Variants in GULP1 observed in about 807,000 individuals in gnomAD.
GULP1 encodes PTB domain-containing engulfment adapter protein 1.
In GULP1, 19 loss-of-function variants were observed where a neutral mutation model predicts 40.9. The ratio of observed to expected loss-of-function variants is 0.46; its 90% CI spans 0.32 to 0.68. The LOEUF is 0.68. GULP1 is among the 30% of genes least tolerant of loss of function. GULP1 has a pLI of 0.03. For missense variants in GULP1, 312 were observed against 362.2 expected (o/e 0.86, Z 1.12); for synonymous variants, 119 against 117.6 (o/e 1.01, Z -0.08).
At chr2:188,461,832 T>C (rs1036054320) in intron 2 of GULP1, among the ~76,000 whole-genome samples, 13 of 152,192 alleles carry the variant, frequency 8.5e-5, no homozygotes, top group Non-Finnish European at 1.9e-4. Flanking sequence ...TCTCTGTTTT[T>C]TCTTAGTCTG....
intron 1 of GULP1, among the ~76,000 whole-genome samples, chr2:188,336,815 G>T (rs2042313656): frequency 6.6e-6 from 1 of 152,150 alleles, no homozygotes; most frequent in Non-Finnish European, 1.5e-5. Flanking sequence ...GTAGCTGGTG[G>T]GAAAAGTGGC....
intron 1 of GULP1, among the ~76,000 whole-genome samples, chr2:188,314,571 A>AT (rs1323717375): frequency 6.6e-6 from 1 of 152,092 alleles, no homozygotes; most frequent in Non-Finnish European, 1.5e-5. Flanking sequence ...ACCGACTACA[A>AT]TTTTTTAATA....
intron 1 of GULP1, among the ~76,000 whole-genome samples, chr2:188,302,447 T>G (rs2036294792): frequency 6.6e-6 from 1 of 152,196 alleles, no homozygotes; most frequent in African/African-American, 2.4e-5. Flanking sequence ...TAAAGAAATA[T>G]TGAAGCAATT....
chr2:188,581,270 G>T (rs529185608), intron 9 of GULP1, among the ~76,000 whole-genome samples: 71 of 151,960 alleles, frequency 4.7e-4, no homozygotes, highest in African/African-American at 1.4e-3. Flanking sequence ...CCCTCCTACC[G>T]TCTCTTGTCC....
intron 1 of GULP1, chr2:188,294,282 A>G (rs941136273): frequency 6.6e-6 from 1 of 152,198 alleles, no homozygotes; most frequent in East Asian, 1.9e-4. Context: ...CTCAGCTAGC[A>G]TGGATTTGGG....
At chr2:188,484,382 G>C (rs1440713686) in intron 4 of GULP1, among the ~76,000 whole-genome samples, 3 of 152,100 alleles carry the variant, frequency 2.0e-5, no homozygotes, top group Admixed American at 6.6e-5. Context: ...TTAAAGAAAG[G>C]TGCTATTTTG....
At chr2:188,501,377 C>A (rs1474548052) in intron 4 of GULP1, among the ~76,000 whole-genome samples, 1 of 151,952 alleles carries the variant, frequency 6.6e-6, no homozygotes, top group Non-Finnish European at 1.5e-5. Context: ...TTGTAAGTAT[C>A]CTGAGGCCTT....
At chr2:188,510,163 A>G (rs1032593972) in intron 4 of GULP1, among the ~76,000 whole-genome samples, 1 of 152,114 alleles carries the variant, frequency 6.6e-6, no homozygotes, top group African/African-American at 2.4e-5. Context: ...GGTTTCTGCA[A>G]ATAAATATAT....
At chr2:188,490,542 A>G (rs1447601876) in intron 4 of GULP1, among the ~76,000 whole-genome samples, 2 of 152,118 alleles carry the variant, frequency 1.3e-5, no homozygotes, top group Admixed American at 1.3e-4. Flanking sequence ...TAGACTAAGT[A>G]AAGTCTATGT....
chr2:188,501,126 T>C (rs1559314818), intron 4 of GULP1, among the ~76,000 whole-genome samples: 2 of 151,998 alleles, frequency 1.3e-5, no homozygotes, highest in Admixed American at 6.6e-5. Flanking sequence ...TACAAACTTA[T>C]ATGTTTTGGC....
At chr2:188,380,552 A>G (rs2048885352) in intron 1 of GULP1, among the ~76,000 whole-genome samples, 1 of 152,218 alleles carries the variant, frequency 6.6e-6, no homozygotes, top group Non-Finnish European at 1.5e-5. Flanking sequence ...AGGACAAACA[A>G]GAAAAAAATA....
At chr2:188,395,329 T>C (rs191475856) in intron 2 of GULP1, among the ~76,000 whole-genome samples, 2 of 152,218 alleles carry the variant, frequency 1.3e-5, no homozygotes, top group Non-Finnish European at 2.9e-5. Flanking sequence ...CTAACACTTG[T>C]GCAAGCACGA....
chr2:188,484,807 T>G (rs1269514098), intron 4 of GULP1, among the ~76,000 whole-genome samples: 1 of 152,144 alleles, frequency 6.6e-6, no homozygotes, highest in African/African-American at 2.4e-5. Flanking sequence ...CATCTCTTAT[T>G]TTTTTCTTGC....
chr2:188,538,040 G>A (rs1689405884), intron 6 of GULP1, among the ~76,000 whole-genome samples: 1 of 151,928 alleles, frequency 6.6e-6, no homozygotes, highest in Non-Finnish European at 1.5e-5. Flanking sequence ...TACCACCTTT[G>A]TTGTTTCTCA....
chr2:188,508,379 A>T (rs993047644), intron 4 of GULP1, among the ~76,000 whole-genome samples: 4 of 152,116 alleles, frequency 2.6e-5, no homozygotes, highest in African/African-American at 9.7e-5. Flanking sequence ...TTGTAACAAA[A>T]GCATGATTTG....
intron 1 of GULP1, among the ~76,000 whole-genome samples, chr2:188,317,261 G>C (rs1365914895): frequency 6.6e-6 from 1 of 152,114 alleles, no homozygotes; most frequent in East Asian, 1.9e-4. Context: ...ACAGATGTAG[G>C]TGAGGACTTT....
intron 1 of GULP1, among the ~76,000 whole-genome samples, chr2:188,311,615 T>A (rs1003831239): frequency 2.0e-5 from 3 of 151,932 alleles, no homozygotes; most frequent in African/African-American, 7.2e-5. Context: ...AGTAGATGTA[T>A]CCAATTTTAA....
At chr2:188,356,684 C>A (rs2045363981) in intron 1 of GULP1, among the ~76,000 whole-genome samples, 1 of 152,010 alleles carries the variant, frequency 6.6e-6, no homozygotes, top group African/African-American at 2.4e-5. Context: ...ATAGAAAAAA[C>A]AATTCTAAAA....
intron 1 of GULP1, among the ~76,000 whole-genome samples, chr2:188,298,804 A>G (rs907763591): frequency 6.6e-6 from 1 of 152,222 alleles, no homozygotes; most frequent in African/African-American, 2.4e-5. Context: ...ATGAGGTTTT[A>G]GAGAACAACA....
Sources: allele counts gnomAD v4.1 joint callset (sites outside exome capture counted in the v4.1 genomes callset), GRCh38; gene constraint gnomAD v4.1.1; transcripts MANE v1.5; gene names NCBI Gene and HGNC (gene_info 2026-07-23, HGNC 2026-07-21).